Variants in EPHB2 observed in about 807,000 individuals in gnomAD.
EPHB2 encodes EPH receptor B2.
In EPHB2, 18 loss-of-function variants were observed where a neutral mutation model predicts 96.4. The ratio of observed to expected loss-of-function variants is 0.19; its 90% CI spans 0.13 to 0.28. EPHB2 has a LOEUF of 0.28. Among genes scored for constraint, EPHB2 ranks in the 10% least tolerant of loss-of-function variants. The pLI is 1.00. For synonymous variants in EPHB2, 506 were observed against 534.1 expected (o/e 0.95, Z 0.72); for missense variants, 989 against 1,355.4 (o/e 0.73, Z 4.25).
chr1:22,844,610 G>A (rs1645514959), intron 3 of EPHB2, among the ~76,000 whole-genome samples: 1 of 152,214 alleles, frequency 6.6e-6, no homozygotes. Context: ...AAAAACTGAG[G>A]CACAGAAAAG....
intron 1 of EPHB2, among the ~76,000 whole-genome samples, chr1:22,754,836 G>T (rs1454881100): frequency 1.6e-4 from 14 of 87,718 alleles, no homozygotes; most frequent in South Asian, 9.9e-4. Flanking sequence ...GAGGGGCAGG[G>T]GAGGGGAGGT....
intron 1 of EPHB2, among the ~76,000 whole-genome samples, chr1:22,750,349 C>T (rs543393177): frequency 3.3e-4 from 51 of 152,290 alleles, no homozygotes; most frequent in African/African-American, 1.2e-3. Context: ...GAGGCCCGGA[C>T]CCTTCTGTGG....
intron 5 of EPHB2, among the ~76,000 whole-genome samples, chr1:22,871,832 A>G (rs759785672): frequency 4.6e-5 from 7 of 152,254 alleles, no homozygotes; most frequent in African/African-American, 1.4e-4. Context: ...CCTGACCAAC[A>G]TGGTGAAACC....
intron 1 of EPHB2, among the ~76,000 whole-genome samples, chr1:22,747,822 G>C (rs960266413): frequency 6.6e-6 from 1 of 152,240 alleles, no homozygotes; most frequent in Non-Finnish European, 1.5e-5. Context: ...CTGGGGAAAA[G>C]GACAATGAAG....
chr1:22,840,006 C>T lies in EPHB2; in HGVS notation c.812-23031C>T, dbSNP rs906684543. 9.2e-5 allele frequency among the ~76,000 whole-genome samples: 14 copies of T among 152,266 alleles called. 1 individual carries two copies. In the South Asian group the frequency reaches 2.1e-3, roughly 23 times the overall value. ...CATTTGTTACTAGCTGGGACTTGAACGTAGCCCTGGCGCAGTGCCTGGCTG... is the reference window on the plus strand; with the variant it reads ...CATTTGTTACTAGCTGGGACTTGAATGTAGCCCTGGCGCAGTGCCTGGCTG... On this transcript the variant is annotated intron_variant, in intron 3 of 15. Transcript: ENST00000374630.
At chr1:22,732,582 T>G (rs972450753) in intron 1 of EPHB2, among the ~76,000 whole-genome samples, 7 of 152,222 alleles carry the variant, frequency 4.6e-5, no homozygotes, top group Admixed American at 4.6e-4. Context: ...TCTAGATTTT[T>G]AAAGCTGCCT....
At chr1:22,859,125 G>A (rs769761050) in intron 3 of EPHB2, among the ~76,000 whole-genome samples, 26 of 152,262 alleles carry the variant, frequency 1.7e-4, no homozygotes, top group Admixed American at 9.2e-4. Flanking sequence ...TCAACACAGC[G>A]AGACTCCGTC....
At chr1:22,880,950 C>T (rs1316936619) in intron 5 of EPHB2, among the ~76,000 whole-genome samples, 4 of 152,260 alleles carry the variant, frequency 2.6e-5, no homozygotes, top group African/African-American at 9.6e-5. Context: ...CTCTTGACCT[C>T]AGTTTCCACG....
At chr1:22,910,297 T>C in intron 13 of EPHB2, 85 bp from the exon 14 acceptor site, 2 of 1,554,188 alleles carry the variant, frequency 1.3e-6, no homozygotes, top group African/African-American at 2.7e-5. Flanking sequence ...AGACGTGCAA[T>C]GTACTGGGGG....
At chr1:22,819,206 T>TCTCTCTCG (rs1491184086) in intron 3 of EPHB2, among the ~76,000 whole-genome samples, 8 of 5,340 alleles carry the variant, frequency 1.5e-3, no homozygotes, top group Non-Finnish European at 2.7e-3. Context: ...CCAGCAGATG[T>TCTCTCTCG]CTCTCTCTCT....
chr1:22,720,148 A>T (rs796283648), intron 1 of EPHB2, among the ~76,000 whole-genome samples: 1 of 152,116 alleles, frequency 6.6e-6, no homozygotes, highest in Admixed American at 6.5e-5. Context: ...AGCTCCCAAG[A>T]TGGTGAAATG....
At chr1:22,817,655 C>T (rs976107441) in intron 3 of EPHB2, among the ~76,000 whole-genome samples, 8 of 152,212 alleles carry the variant, frequency 5.3e-5, no homozygotes, top group African/African-American at 9.6e-5. Context: ...TGTATAGACA[C>T]GTACCTAGCA....
chr1:22,882,191 GC>G (rs1254616319), intron 5 of EPHB2, among the ~76,000 whole-genome samples, 167 bp from the exon 6 acceptor site: 1 of 152,128 alleles, frequency 6.6e-6, no homozygotes, highest in African/African-American at 2.4e-5. Flanking sequence ...CCCTGCATGA[GC>G]CCCTCTGCCC....
chr1:22,815,890 G>A (rs1645069016), intron 3 of EPHB2, among the ~76,000 whole-genome samples: 1 of 152,146 alleles, frequency 6.6e-6, no homozygotes, highest in African/African-American at 2.4e-5. Context: ...TCTCTCCAAG[G>A]GCTCAGTCTA....
intron 5 of EPHB2, among the ~76,000 whole-genome samples, chr1:22,879,806 A>G (rs967066623): frequency 1.3e-5 from 2 of 152,234 alleles, no homozygotes; most frequent in African/African-American, 4.8e-5. Flanking sequence ...TGAGCACACA[A>G]CCAGACCCCT....
At chr1:22,896,207 G>GA (rs975055291) in intron 8 of EPHB2, among the ~76,000 whole-genome samples, 5 of 152,184 alleles carry the variant, frequency 3.3e-5, no homozygotes, top group Admixed American at 6.5e-5. Context: ...GGCTTGGCTG[G>GA]AGGGGGAGGA....
chr1:22,800,771 GACACAC>G (rs71666873), intron 3 of EPHB2, among the ~76,000 whole-genome samples: 95 of 148,518 alleles, frequency 6.4e-4, no homozygotes, highest in African/African-American at 1.2e-3. Flanking sequence ...GTGTGTATGT[GACACAC>G]ACACACACAC....
chr1:22,767,077 T>G (rs1184712218), intron 1 of EPHB2, among the ~76,000 whole-genome samples: 2 of 152,212 alleles, frequency 1.3e-5, no homozygotes, highest in African/African-American at 4.8e-5. Context: ...ACATAGCCTC[T>G]CCTTGTGCCT....
chr1:22,838,688 G>C (rs1025847177), intron 3 of EPHB2, among the ~76,000 whole-genome samples: 1 of 152,204 alleles, frequency 6.6e-6, no homozygotes, highest in Non-Finnish European at 1.5e-5. Context: ...CAGCACTTTG[G>C]GAGGCCGAGG....
Sources: allele counts gnomAD v4.1 joint callset (sites outside exome capture counted in the v4.1 genomes callset), GRCh38; gene constraint gnomAD v4.1.1; transcripts MANE v1.5; gene names NCBI Gene and HGNC (gene_info 2026-07-23, HGNC 2026-07-21).